The following HMHB1 variants were observed in gnomAD, a reference collection of about 807,000 sequenced individuals.
HMHB1 encodes the protein minor histocompatibility protein HB-1.
HMHB1 carries 4 observed loss-of-function variants against 2.4 expected under a neutral mutation model. The ratio of observed to expected loss-of-function variants is 1.65; its 90% CI spans 0.81 to 3.77. The LOEUF (loss-of-function observed/expected upper bound fraction) is 3.77. Among genes scored for constraint, HMHB1 ranks in the 30% most tolerant of loss-of-function variants. HMHB1 has a pLI of 0.01. For synonymous variants in HMHB1, 22 were observed against 17.6 expected (o/e 1.25, Z -0.63); for missense variants, 57 against 44.2 (o/e 1.29, Z -0.82).
rs563816071 is a variant in HMHB1 at position 143,813,572 on chromosome 5, T to G, written c.37+1268T>G. The stretch of plus-strand genomic sequence containing the variant: ...TTTGTTGGGGCCAGCATAAGTCAAC[T>G]GTTTCCATCCTTGTTTCCTTAACTC... On this transcript the variant is annotated intron_variant, in intron 1 of 1. Transcript: ENST00000289448. 1.5e-3 allele frequency among the ~76,000 whole-genome samples: 224 copies of G among 152,358 alleles called. 3 individuals are homozygous for G. The highest frequency in any genetic ancestry group is 5.3e-3 in the African/African-American group (219 of 41,572).
intron 1 of HMHB1, among the ~76,000 whole-genome samples, chr5:143,819,453 G>A (rs1759783090): frequency 6.6e-6 from 1 of 152,120 alleles, no homozygotes; most frequent in African/African-American, 2.4e-5. Flanking sequence ...ACACCAAGAT[G>A]GTGAAACCCT....
intron 1 of HMHB1, among the ~76,000 whole-genome samples, chr5:143,819,440 G>T (rs1460779772): frequency 6.6e-6 from 1 of 152,110 alleles, no homozygotes; most frequent in African/African-American, 2.4e-5. Flanking sequence ...TTTAAAAAGG[G>T]TCACACCAAG....
At chr5:143,814,828 C>A (rs1005909073) in intron 1 of HMHB1, among the ~76,000 whole-genome samples, 7 of 152,170 alleles carry the variant, frequency 4.6e-5, no homozygotes, top group Non-Finnish European at 7.4e-5. Context: ...AATTTGTCCC[C>A]ACTAAAAGTT....
chr5:143,816,484 T>G (rs1759751153), intron 1 of HMHB1, among the ~76,000 whole-genome samples: 2 of 152,232 alleles, frequency 1.3e-5, no homozygotes, highest in South Asian at 4.1e-4. Flanking sequence ...GTTACTTCAC[T>G]TAGAGTAATA....
intron 1 of HMHB1, among the ~76,000 whole-genome samples, chr5:143,814,382 G>A (rs889184625): frequency 5.9e-5 from 9 of 152,188 alleles, no homozygotes; most frequent in East Asian, 3.9e-4. Flanking sequence ...AATATGGACC[G>A]CTCATGAAAT....
At chr5:143,815,655 G>A (rs909062772) in intron 1 of HMHB1, among the ~76,000 whole-genome samples, 34 of 149,026 alleles carry the variant, frequency 2.3e-4, no homozygotes, top group African/African-American at 8.2e-4. Context: ...AGCCTCCTAA[G>A]TAGCTGGGAT....
intron 1 of HMHB1, among the ~76,000 whole-genome samples, chr5:143,813,024 G>A (rs1031148573): frequency 2.6e-5 from 4 of 151,996 alleles, no homozygotes; most frequent in African/African-American, 4.8e-5. Context: ...CTGGGTTGAC[G>A]TTATAGGAGG....
At chr5:143,818,833 T>G (rs887095045) in intron 1 of HMHB1, among the ~76,000 whole-genome samples, 4 of 152,106 alleles carry the variant, frequency 2.6e-5, no homozygotes, top group Non-Finnish European at 5.9e-5. Flanking sequence ...AAATATGTAC[T>G]CCACCACATG....
intron 1 of HMHB1, among the ~76,000 whole-genome samples, chr5:143,817,292 T>C (rs1451168662): frequency 6.6e-6 from 1 of 152,218 alleles, no homozygotes; most frequent in Non-Finnish European, 1.5e-5. Context: ...AGCCAATGTC[T>C]AGAAGGGTTT....
chr5:143,819,959 TA>T (rs1759790121), intron 1 of HMHB1, among the ~76,000 whole-genome samples: 1 of 152,128 alleles, frequency 6.6e-6, no homozygotes, highest in Non-Finnish European at 1.5e-5. Context: ...TGCCATGAGA[TA>T]TACTATATCA....
intron 1 of HMHB1, among the ~76,000 whole-genome samples, chr5:143,813,005 C>T (rs932621310): frequency 2.6e-5 from 4 of 151,970 alleles, no homozygotes; most frequent in African/African-American, 4.8e-5. Context: ...GAAGAGGACA[C>T]ACGGAGCCCT....
Position 143,817,190 on chromosome 5 carries a change from G to C in HMHB1, c.38-3290G>C, listed in dbSNP as rs1180474169. Among the ~76,000 whole-genome samples, 3 of 152,210 alleles carry C rather than the reference G, an allele frequency of 2.0e-5. No homozygotes were observed. The East Asian group carries it at 5.8e-4, about 29-fold the overall frequency. On this transcript the variant is annotated intron_variant, in intron 1 of 1. Transcript: ENST00000289448. ...TTTACTCTGCTGTTTCTTTTGCTGC[G>C]TAAAAGCTCTTTAGTTTAATTAAGT... is the stretch of plus-strand genomic sequence containing the variant.
rs115148539 is a variant in HMHB1 at position 143,820,713 on chromosome 5, C to T, written c.*145C>T. The T allele has an allele frequency of 1.5e-3, 787 of 511,926 alleles. 2 individuals are homozygous for T. The highest frequency in any genetic ancestry group is 0.013 in the African/African-American group (681 of 51,990). The allele number at this position is 511,926 out of a possible 1,614,324, so 31.7% of individuals were successfully genotyped here. A position where few individuals can be genotyped will look rare whatever the true frequency, so the allele number is the denominator to read the frequency against. On this transcript the variant is annotated 3_prime_UTR_variant, in exon 2 of 2. Coordinates refer to ENST00000289448, the MANE Select transcript of HMHB1 (RefSeq NM_021182.3). Reference sequence around the variant, plus strand: ...CTGCACAGTGAAATGAAAAGTCAACCTTTGAACATGTGTGTGTGTCTCTCA... The same window carrying T: ...CTGCACAGTGAAATGAAAAGTCAACTTTTGAACATGTGTGTGTGTCTCTCA...
At chr5:143,817,585 C>T (rs544300998) in intron 1 of HMHB1, among the ~76,000 whole-genome samples, 2 of 152,258 alleles carry the variant, frequency 1.3e-5, no homozygotes, top group South Asian at 2.1e-4. Flanking sequence ...TATACCAGTA[C>T]CATGCTGTTT....
In HMHB1 at chr5:143,817,579, C is replaced by A. The variant is rs139427903; in HGVS notation, c.38-2901C>A. 4.8e-4 allele frequency among the ~76,000 whole-genome samples: 73 copies of A among 152,300 alleles called. 1 individual carries two copies. In the East Asian group the frequency reaches 0.013, roughly 26 times the overall value. On this transcript the variant is annotated intron_variant, in intron 1 of 1. Coordinates refer to ENST00000289448, the MANE Select transcript of HMHB1 (RefSeq NM_021182.3). ...ATTGGTCTATGTGCCTATTTTTATA[C>A]CAGTACCATGCTGTTTTGGTGACTA... is the stretch of plus-strand genomic sequence containing the variant.
intron 1 of HMHB1, 87 bp from the exon 2 acceptor site, chr5:143,820,393 C>G (rs1759800495): frequency 2.4e-6 from 1 of 422,330 alleles, no homozygotes. Context: ...GTCCTCTTTA[C>G]TCTGTTTGGA....
At chr5:143,820,235 T>C (rs1759792385) in intron 1 of HMHB1, among the ~76,000 whole-genome samples, 1 of 144,852 alleles carries the variant, frequency 6.9e-6, no homozygotes, top group Non-Finnish European at 1.5e-5. Flanking sequence ...ATGAATAACA[T>C]GCTTTTCTAA....
At chr5:143,813,557 C>G (rs967656482) in intron 1 of HMHB1, among the ~76,000 whole-genome samples, 3 of 152,154 alleles carry the variant, frequency 2.0e-5, no homozygotes, top group African/African-American at 7.2e-5. Flanking sequence ...TTTGTTGGGG[C>G]CAGCATAAGT....
At chr5:143,817,115 G>C (rs553683384) in intron 1 of HMHB1, among the ~76,000 whole-genome samples, 1 of 152,124 alleles carries the variant, frequency 6.6e-6, no homozygotes, top group Non-Finnish European at 1.5e-5. Context: ...TTAGTCCTTT[G>C]TCACATGTAT....
Sources: gnomAD v4.1 joint callset for allele counts (sites outside exome capture counted in the v4.1 genomes callset) on GRCh38, gnomAD v4.1.1 for gene constraint, MANE v1.5 for transcripts, NCBI Gene and HGNC (gene_info 2026-07-23, HGNC 2026-07-21) for gene names.